The following XG variants were observed in gnomAD, a reference collection of about 807,000 sequenced individuals.
XG encodes Xg glycoprotein (Xg blood group).
Under a neutral mutation model 25.7 loss-of-function variants are expected in XG, and 24 were observed. The observed-to-expected ratio is 0.93, with a 90% CI of 0.68 to 1.31. The LOEUF (loss-of-function observed/expected upper bound fraction) is 1.31, where lower values mean the gene tolerates loss of function less well. Among genes scored for constraint, XG ranks in the 40% most tolerant of loss-of-function variants. The pLI, the probability that XG is intolerant of heterozygous loss-of-function variation, is 0.00. For missense variants in XG, 181 were observed against 187.6 expected (o/e 0.96, Z 0.21); for synonymous variants, 77 against 69.2 (o/e 1.11, Z -0.56).
intron 5 of XG, 127 bp from the exon 6 acceptor site, chrX:2,794,408 T>C: frequency 2.7e-6 from 2 of 747,784 alleles, no homozygotes; most frequent in Non-Finnish European, 3.8e-6. Context: ...GTGGGCGTCC[T>C]GCAAAGAGCC....
At chrX:2,766,767 G>A (rs369669732) in intron 1 of XG, among the ~76,000 whole-genome samples, 227 of 147,044 alleles carry the variant, frequency 1.5e-3, no homozygotes, top group African/African-American at 5.0e-3. Flanking sequence ...GGGTTTCACC[G>A]TGTTAGCCAG....
intron 1 of XG, among the ~76,000 whole-genome samples, chrX:2,754,036 A>G (rs2050384241): frequency 6.6e-6 from 1 of 152,252 alleles, no homozygotes; most frequent in South Asian, 2.1e-4. Flanking sequence ...AGGCTAAGCT[A>G]TGGCGTTTGG....
At chrX:2,775,128 G>A in intron 3 of XG, 1 of 233,332 alleles carries the variant, frequency 4.3e-6, no homozygotes, top group South Asian at 9.2e-5. Flanking sequence ...TCCTAGGTAT[G>A]TACTCAAAAT....
In XG at chrX:2,797,400, G is replaced by A. The variant is rs372046947; in HGVS notation, c.373+40G>A. On this transcript the variant is annotated intron_variant, in intron 7 of 10. Transcript: ENST00000644266. ...GGGCATGCGATGGTGGGTGGAGGGT[G>A]GGAGGGGTCATCTTTCTAGGGCTCC... The A allele has an allele frequency of 7.1e-5, 82 of 1,159,695 alleles. No homozygotes were observed. In the African/African-American group the frequency reaches 1.3e-3, roughly 19 times the overall value.
intron 1 of XG, among the ~76,000 whole-genome samples, chrX:2,768,157 G>A (rs1410268898): frequency 1.3e-5 from 2 of 152,148 alleles, no homozygotes; most frequent in South Asian, 2.1e-4. Flanking sequence ...GAGGCCTTTG[G>A]TTATTTAGGG....
intron 4 of XG, among the ~76,000 whole-genome samples, chrX:2,788,376 C>T (rs1334134915): frequency 8.9e-6 from 1 of 112,434 alleles, no homozygotes; most frequent in Non-Finnish European, 1.9e-5. Context: ...GTGCAAAGAG[C>T]TTGCACTGAT....
chrX:2,757,971 CAAAAAAAAAAAA>C (rs59540338), intron 1 of XG, among the ~76,000 whole-genome samples: 35 of 88,644 alleles, frequency 3.9e-4, no homozygotes, highest in Non-Finnish European at 2.8e-4. Flanking sequence ...GACTCCATCT[CAAAAAAAAAAAA>C]AAAAAAAAAA....
intron 4 of XG, among the ~76,000 whole-genome samples, chrX:2,783,515 T>C (rs2086753132): frequency 8.9e-6 from 1 of 112,355 alleles, no homozygotes; most frequent in Non-Finnish European, 1.9e-5. Context: ...TCAAGAGGGG[T>C]TCTGGAAGCT....
In XG at chrX:2,815,898, T is replaced by A. The variant is rs2087100881; in HGVS notation, c.*1518T>A. 1 of 111,954 alleles carries A rather than the reference T, an allele frequency of 8.9e-6. No individual in the cohort carries two copies. The highest frequency in any genetic ancestry group is 1.9e-5 in the Non-Finnish European group (1 of 53,202). 9.2% of individuals were successfully genotyped at this position (111,954 alleles called of 1,213,427 possible). On this transcript the variant is annotated 3_prime_UTR_variant, in exon 11 of 11. Transcript: ENST00000644266. ...TAAAACTGTCATAAACTATTTTTAATCATTTTAAATAAATGTAAAAGAAAA... is the reference window on the plus strand; with the variant it reads ...TAAAACTGTCATAAACTATTTTTAAACATTTTAAATAAATGTAAAAGAAAA...
intron 7 of XG, among the ~76,000 whole-genome samples, chrX:2,800,940 C>G (rs1320368637): frequency 3.9e-5 from 4 of 101,998 alleles, no homozygotes; most frequent in African/African-American, 1.5e-4. Flanking sequence ...AGCACCACTA[C>G]CTTCCAGCCT....
intron 1 of XG, among the ~76,000 whole-genome samples, chrX:2,759,080 C>T (rs2050503396): frequency 6.6e-6 from 1 of 152,164 alleles, no homozygotes; most frequent in Non-Finnish European, 1.5e-5. Context: ...ATCTAGCAGT[C>T]CATCATCTAT....
chrX:2,766,608 A>G (rs911277253), intron 1 of XG, among the ~76,000 whole-genome samples: 4 of 125,660 alleles, frequency 3.2e-5, no homozygotes, highest in African/African-American at 1.3e-4. Flanking sequence ...TCTGTCACCC[A>G]GGCTGGAGTG....
chrX:2,773,550 AGAAG>A (rs1292474499), intron 2 of XG, among the ~76,000 whole-genome samples: 2 of 101,180 alleles, frequency 2.0e-5, no homozygotes, highest in Admixed American at 1.0e-4. Flanking sequence ...AAGGAAGGAG[AGAAG>A]GAAGGAAGGA....
intron 7 of XG, among the ~76,000 whole-genome samples, chrX:2,801,670 T>C (rs932706203): frequency 2.7e-5 from 3 of 111,950 alleles, no homozygotes; most frequent in Admixed American, 1.9e-4. Context: ...TGTAAGCTCC[T>C]AGCTGGCTTG....
intron 2 of XG, among the ~76,000 whole-genome samples, chrX:2,773,286 GGA>G (rs1228811675): frequency 7.0e-6 from 1 of 143,436 alleles, no homozygotes; most frequent in African/African-American, 2.6e-5. Flanking sequence ...GAAGGAAGAA[GGA>G]GAGGAATGAA....
At chrX:2,773,043 A>T (rs375818330) in intron 2 of XG, among the ~76,000 whole-genome samples, 3 of 150,694 alleles carry the variant, frequency 2.0e-5, no homozygotes, top group Non-Finnish European at 4.4e-5. Flanking sequence ...TTACATTTTA[A>T]AAAGGAGACA....
intron 2 of XG, among the ~76,000 whole-genome samples, chrX:2,773,557 A>G: frequency 7.6e-5 from 8 of 105,300 alleles, no homozygotes; most frequent in East Asian, 6.2e-4. Context: ...GAGAGAAGGA[A>G]GGAAGGAGAG....
chrX:2,801,117 T>TAGAGAA (rs2147084035), intron 7 of XG, among the ~76,000 whole-genome samples: 1 of 111,141 alleles, frequency 9.0e-6, no homozygotes, highest in East Asian at 2.8e-4. Context: ...TAGACCTGAT[T>TAGAGAA]TATTAAGACG....
intron 1 of XG, among the ~76,000 whole-genome samples, chrX:2,768,992 CA>C (rs1266634980): frequency 8.5e-5 from 13 of 152,256 alleles, no homozygotes; most frequent in South Asian, 4.1e-4. Context: ...AGTCTGGGCC[CA>C]GGGGCAGCTG....
Sources: gnomAD v4.1 joint callset for allele counts (sites outside exome capture counted in the v4.1 genomes callset) on GRCh38, gnomAD v4.1.1 for gene constraint, MANE v1.5 for transcripts, NCBI Gene and HGNC (gene_info 2026-07-23, HGNC 2026-07-21) for gene names.